Variants in ASTN2 observed in about 807,000 individuals in gnomAD.
ASTN2 encodes astrotactin 2.
Under a neutral mutation model 139.8 loss-of-function variants are expected in ASTN2, and 54 were observed. The ratio of observed to expected loss-of-function variants is 0.39; its 90% CI spans 0.31 to 0.48. ASTN2 has a LOEUF of 0.48. ASTN2 is among the 20% of genes least tolerant of loss of function. ASTN2 has a pLI of 0.95. For missense variants in ASTN2, 1,565 were observed against 1,725.1 expected (o/e 0.91, Z 1.64); for synonymous variants, 756 against 719.5 (o/e 1.05, Z -0.81).
intron 1 of ASTN2, among the ~76,000 whole-genome samples, chr9:117,409,516 T>C (rs565545831): frequency 7.2e-5 from 11 of 152,314 alleles, no homozygotes; most frequent in African/African-American, 2.6e-4. Context: ...TACTGGGTTG[T>C]TGGACAGCTC....
intron 10 of ASTN2, among the ~76,000 whole-genome samples, chr9:116,945,446 A>G (rs1202154624): frequency 6.6e-6 from 1 of 152,190 alleles, no homozygotes; most frequent in Non-Finnish European, 1.5e-5. Context: ...ATGAAGGTAG[A>G]GGGTAGGGAA....
At chr9:116,625,181 A>C (rs1020508281) in intron 17 of ASTN2, among the ~76,000 whole-genome samples, 11 of 152,254 alleles carry the variant, frequency 7.2e-5, no homozygotes, top group Admixed American at 1.3e-4. Context: ...CTGTAATCCC[A>C]GCACTTTGGA....
intron 1 of ASTN2, among the ~76,000 whole-genome samples, chr9:117,339,985 G>C (rs1316924769): frequency 2.0e-5 from 3 of 151,916 alleles, no homozygotes; most frequent in African/African-American, 7.3e-5. Flanking sequence ...GGCCTGTTGA[G>C]GAAAAGGCAT....
intron 5 of ASTN2, among the ~76,000 whole-genome samples, chr9:117,082,856 A>T (rs560423300): frequency 1.3e-5 from 2 of 152,300 alleles, no homozygotes; most frequent in South Asian, 4.2e-4. Context: ...CATTTCATGG[A>T]GGTTCAAGTG....
intron 7 of ASTN2, among the ~76,000 whole-genome samples, chr9:116,978,491 T>G (rs12347397): frequency 3.4e-4 from 39 of 116,226 alleles, no homozygotes; most frequent in African/African-American, 1.4e-3. Flanking sequence ...TCTCTCTCTC[T>G]CACGCACACA....
intron 16 of ASTN2, 24 bp from the exon 17 acceptor site, chr9:116,651,817 A>G: frequency 1.2e-6 from 2 of 1,606,178 alleles, no homozygotes; most frequent in South Asian, 1.1e-5. Flanking sequence ...AGACAGGAAG[A>G]GCGAAAGGTA....
intron 19 of ASTN2, among the ~76,000 whole-genome samples, chr9:116,556,004 A>G (rs1852595856): frequency 6.6e-6 from 1 of 152,082 alleles, no homozygotes; most frequent in Admixed American, 6.5e-5. Context: ...CATCCATCCA[A>G]TCCTCTCTTC....
intron 2 of ASTN2, among the ~76,000 whole-genome samples, chr9:117,273,002 A>G (rs1194116026): frequency 6.6e-6 from 1 of 152,088 alleles, no homozygotes; most frequent in Non-Finnish European, 1.5e-5. Context: ...ACTGGTACCA[A>G]TTTACTGTAT....
chr9:117,165,364 C>T (rs1017776077), intron 3 of ASTN2, among the ~76,000 whole-genome samples: 2 of 152,076 alleles, frequency 1.3e-5, no homozygotes, highest in South Asian at 4.1e-4. Context: ...GAAATATCTT[C>T]CTGAAGGTCA....
At chr9:117,206,854 T>G (rs1831942571) in intron 3 of ASTN2, among the ~76,000 whole-genome samples, 1 of 152,164 alleles carries the variant, frequency 6.6e-6, no homozygotes. Flanking sequence ...GCAGAATGGC[T>G]GCATGCCTAT....
chr9:117,242,507 T>C (rs1212231237), intron 2 of ASTN2, among the ~76,000 whole-genome samples: 3 of 152,180 alleles, frequency 2.0e-5, no homozygotes, highest in Non-Finnish European at 4.4e-5. Context: ...TCATCCACTG[T>C]TAGAAGAGAA....
At chr9:116,546,239 C>A (rs1330454994) in intron 19 of ASTN2, 1 of 152,110 alleles carries the variant, frequency 6.6e-6, no homozygotes, top group Non-Finnish European at 1.5e-5. Flanking sequence ...ATCCAATATA[C>A]CAGTTTGGTA....
intron 6 of ASTN2, among the ~76,000 whole-genome samples, chr9:117,013,403 A>C (rs1357974048): frequency 6.6e-6 from 1 of 151,692 alleles, no homozygotes; most frequent in Non-Finnish European, 1.5e-5. Flanking sequence ...CCCAGAGAGC[A>C]ATGACTCTGA....
At chr9:116,849,388 A>G (rs1832528165) in intron 11 of ASTN2, among the ~76,000 whole-genome samples, 1 of 152,130 alleles carries the variant, frequency 6.6e-6, no homozygotes, top group Non-Finnish European at 1.5e-5. Context: ...GAAGCTACCT[A>G]AGGGTGGATA....
chr9:117,285,120 C>G lies in ASTN2; in HGVS notation c.630+6206G>C, dbSNP rs116557793. Among the ~76,000 whole-genome samples, 869 of 152,152 alleles carry G rather than the reference C, an allele frequency of 5.7e-3. 10 individuals carry two copies. Among genetic ancestry groups the G allele is most frequent in the African/African-American group, 0.02 (812 of 41,506 alleles). On this transcript the variant is annotated intron_variant, in intron 2 of 22. Transcript: ENST00000313400. ...AGTTACTGTTTCTCTTAAGATATGG[C>G]CCCAAAAATAAACACAATATTTCAG...
At chr9:116,773,191 T>C (rs1829999712) in intron 13 of ASTN2, among the ~76,000 whole-genome samples, 1 of 152,124 alleles carries the variant, frequency 6.6e-6, no homozygotes, top group Non-Finnish European at 1.5e-5. Flanking sequence ...CTCTAAATTT[T>C]TGCCCCTTTT....
At chr9:117,080,591 A>C (rs1169875813) in intron 5 of ASTN2, among the ~76,000 whole-genome samples, 2 of 152,222 alleles carry the variant, frequency 1.3e-5, no homozygotes, top group Admixed American at 6.5e-5. Flanking sequence ...TGAGCTCTCG[A>C]AGGTTTTCAT....
chr9:116,865,963 A>C (rs747361759), intron 10 of ASTN2, among the ~76,000 whole-genome samples: 6 of 152,234 alleles, frequency 3.9e-5, no homozygotes, highest in Admixed American at 3.9e-4. Context: ...CAGTGACATC[A>C]GGCAAGATCC....
chr9:116,925,119 G>T (rs948211222), intron 10 of ASTN2, among the ~76,000 whole-genome samples: 1 of 152,048 alleles, frequency 6.6e-6, no homozygotes, highest in South Asian at 2.1e-4. Context: ...ACCCATATTT[G>T]CTTTCTTAAT....
Sources: gnomAD v4.1 joint callset for allele counts (sites outside exome capture counted in the v4.1 genomes callset) on GRCh38, gnomAD v4.1.1 for gene constraint, MANE v1.5 for transcripts, NCBI Gene and HGNC (gene_info 2026-07-23, HGNC 2026-07-21) for gene names.